ARL14EPL: variants seen among roughly 807,000 people sequenced by gnomAD.
The protein encoded by ARL14EPL is ARL14 effector protein-like.
Under a neutral mutation model 15.9 loss-of-function variants are expected in ARL14EPL, and 17 were observed. The ratio of observed to expected loss-of-function variants is 1.07; its 90% CI spans 0.73 to 1.60. The LOEUF is 1.60. ARL14EPL is among the 40% of genes most tolerant of loss of function. The pLI is 0.00. For missense variants in ARL14EPL, 214 were observed against 185.9 expected, an observed-to-expected ratio of 1.15 and a Z score of -0.88; for synonymous variants, 78 against 63.8, an observed-to-expected ratio of 1.22 and a Z score of -1.06.
Position 116,050,816 on chromosome 5 carries a change from T to C in ARL14EPL, c.-9-641T>C, listed in dbSNP as rs201801156. Among the ~76,000 whole-genome samples the C allele has an allele frequency of 3.1e-3, 255 of 81,520 alleles. 3 individuals are homozygous for C. Among genetic ancestry groups the C allele is most frequent in the African/African-American group, 9.5e-3 (204 of 21,526 alleles). 53.5% of individuals were successfully genotyped at this position (81,520 alleles called of 152,430 possible). On this transcript the variant is annotated intron_variant, in intron 1 of 3. Transcript: ENST00000686077. ...TCTCTCTCTCTCTCTCTCTCTCTCT[T>C]ACACACACACATGCACACACACACA...
chr5:116,049,249 G>A (rs985994348), intron 1 of ARL14EPL, among the ~76,000 whole-genome samples: 1 of 152,160 alleles, frequency 6.6e-6, no homozygotes, highest in Non-Finnish European at 1.5e-5. Context: ...GTTCATCAGA[G>A]AGCTTATTAA....
chr5:116,045,598 C>T (rs1257238818), intron 1 of ARL14EPL, among the ~76,000 whole-genome samples: 1 of 152,082 alleles, frequency 6.6e-6, no homozygotes, highest in African/African-American at 2.4e-5. Context: ...TAAAGTGATG[C>T]CAGATGGTAG....
At position 116,036,309 on chromosome 5, in the gene ARL14EPL, GCTTCTAAAACACATACATCT is replaced by G. The variant is rs554836975; in HGVS notation, c.-10+3805_-10+3824del. 5.9e-5 allele frequency among the ~76,000 whole-genome samples: 9 copies of G among 152,294 alleles called. No homozygotes were observed. The East Asian group carries it at 1.7e-3, about 29-fold the overall frequency. The stretch of plus-strand genomic sequence containing the variant: ...TACACTCTGAGAAGCCTCTCTGAAA[GCTTCTAAAACACATACATCT>G]TCCGTAGACCAGAAATAATACAGTG... On this transcript the variant is annotated intron_variant, in intron 1 of 3. Transcript: ENST00000686077.
chr5:116,038,082 G>A (rs1301109950), intron 1 of ARL14EPL, among the ~76,000 whole-genome samples: 2 of 152,106 alleles, frequency 1.3e-5, no homozygotes, highest in African/African-American at 2.4e-5. Flanking sequence ...TGGCGGAGTG[G>A]GTTAGAACCT....
At chr5:116,049,354 A>G (rs1488248683) in intron 1 of ARL14EPL, among the ~76,000 whole-genome samples, 1 of 152,152 alleles carries the variant, frequency 6.6e-6, no homozygotes, top group East Asian at 1.9e-4. Flanking sequence ...GCTCCATATG[A>G]TTTTTATCTT....
chr5:116,056,855 T>C (rs1480707399), intron 3 of ARL14EPL, among the ~76,000 whole-genome samples: 1 of 152,230 alleles, frequency 6.6e-6, no homozygotes, highest in African/African-American at 2.4e-5. Flanking sequence ...CAATTTCAGC[T>C]TTCTACATAT....
At chr5:116,033,028 G>T (rs1748987156) in intron 1 of ARL14EPL, among the ~76,000 whole-genome samples, 1 of 151,998 alleles carries the variant, frequency 6.6e-6, no homozygotes, top group South Asian at 2.1e-4. Context: ...TGAGCTCCTG[G>T]GCTCAAGTGA....
chr5:116,051,219 T>C (rs549568783), intron 1 of ARL14EPL: 5 of 442,910 alleles, frequency 1.1e-5, no homozygotes, highest in Non-Finnish European at 1.6e-5. Flanking sequence ...CTAAGGACTG[T>C]CAAAGGTACT....
intron 2 of ARL14EPL, among the ~76,000 whole-genome samples, 166 bp downstream of exon 2, chr5:116,051,727 G>T (rs1749384324): frequency 6.6e-6 from 1 of 152,290 alleles, no homozygotes; most frequent in African/African-American, 2.4e-5. Context: ...ACTGCTCACT[G>T]CGGGCTGCTC....
chr5:116,050,363 G>T (rs143110452), intron 1 of ARL14EPL, among the ~76,000 whole-genome samples: 1 of 152,162 alleles, frequency 6.6e-6, no homozygotes, highest in Non-Finnish European at 1.5e-5. Flanking sequence ...TTCGTTTTCT[G>T]TATTTGTTCA....
At position 116,053,996 on chromosome 5, in the gene ARL14EPL, C is replaced by T. The variant is rs2112680177; in HGVS notation, c.97-18C>T. On this transcript the variant is annotated intron_variant, in intron 2 of 3. Transcript: ENST00000686077. ...AACTATCTGGTTCTTACTATTAATA[C>T]ATTTATTTGTTTAATAGCAACAAAT... The T allele has an allele frequency of 2.0e-6, 3 of 1,519,822 alleles. No individual in the cohort carries two copies. Among genetic ancestry groups the T allele is most frequent in the East Asian group, 2.5e-5 (1 of 40,760 alleles). 94.1% of individuals were successfully genotyped at this position (1,519,822 alleles called of 1,614,324 possible).
chr5:116,058,792 GAGA>G lies in ARL14EPL; in HGVS notation c.309_311del (p.Lys103del). 1 of 1,535,906 alleles carries G rather than the reference GAGA, an allele frequency of 6.5e-7. No individual in the cohort carries two copies. The highest frequency in any genetic ancestry group is 1.2e-5 in the South Asian group (1 of 84,048). On this transcript the variant is annotated inframe_deletion, in exon 4 of 4. Coordinates refer to ENST00000686077, the MANE Select transcript of ARL14EPL (RefSeq NM_001195581.2). Reference sequence around the variant, plus strand: ...TGACGCTGATCTGTGTGATTGTCTAGAGAAGAACTGCCTGGGCTGCTTCTACCC... The same window carrying G: ...TGACGCTGATCTGTGTGATTGTCTAGAGAACTGCCTGGGCTGCTTCTACCC...
At chr5:116,034,411 G>A (rs1749011927) in intron 1 of ARL14EPL, among the ~76,000 whole-genome samples, 1 of 152,162 alleles carries the variant, frequency 6.6e-6, no homozygotes, top group Non-Finnish European at 1.5e-5. Flanking sequence ...CTAGAGGGTG[G>A]CCTCAGTATT....
chr5:116,056,585 C>G (rs1749522754), intron 3 of ARL14EPL, among the ~76,000 whole-genome samples: 1 of 152,104 alleles, frequency 6.6e-6, no homozygotes. Context: ...AATTTTCTCC[C>G]ATTCTGTAGG....
intron 1 of ARL14EPL, among the ~76,000 whole-genome samples, chr5:116,042,094 G>C (rs1749171162): frequency 6.6e-6 from 1 of 152,112 alleles, no homozygotes; most frequent in Non-Finnish European, 1.5e-5. Context: ...GCCTCCCAAT[G>C]TGCTGTGATT....
intron 1 of ARL14EPL, among the ~76,000 whole-genome samples, chr5:116,032,988 G>C (rs1425855308): frequency 1.3e-5 from 2 of 152,058 alleles, no homozygotes; most frequent in Non-Finnish European, 2.9e-5. Context: ...TAGTTGAGAT[G>C]GGGTTTCACC....
intron 1 of ARL14EPL, among the ~76,000 whole-genome samples, chr5:116,040,692 T>C (rs11740369): frequency 0.028 from 4,212 of 151,594 alleles, 88 homozygotes; most frequent in Non-Finnish European, 0.04. Flanking sequence ...CCACTCTCTG[T>C]TTCAAATTAG....
intron 1 of ARL14EPL, among the ~76,000 whole-genome samples, chr5:116,041,144 T>G (rs187964972): frequency 1.3e-5 from 2 of 152,198 alleles, no homozygotes; most frequent in Admixed American, 1.3e-4. Flanking sequence ...CATGCAGTAG[T>G]ATGGTACTTT....
chr5:116,040,936 C>T (rs929397911), intron 1 of ARL14EPL, among the ~76,000 whole-genome samples: 16 of 136,600 alleles, frequency 1.2e-4, no homozygotes, highest in East Asian at 2.0e-4. Flanking sequence ...GCTGAAATAG[C>T]GCCACTGCAC....
Sources: gnomAD v4.1 joint callset for allele counts (sites outside exome capture counted in the v4.1 genomes callset) on GRCh38, gnomAD v4.1.1 for gene constraint, MANE v1.5 for transcripts, NCBI Gene and HGNC (gene_info 2026-07-23, HGNC 2026-07-21) for gene names.